KCNIP1: variants seen among roughly 807,000 people sequenced by gnomAD.
The protein encoded by KCNIP1 is A-type potassium channel modulatory protein KCNIP1.
A neutral mutation model predicts 33.0 loss-of-function variants in KCNIP1; 18 were observed. That is an observed-to-expected ratio of 0.55 (90% CI 0.38 to 0.81). KCNIP1 has a LOEUF of 0.81. KCNIP1 is among the 30% of genes least tolerant of loss of function. The pLI, the probability that KCNIP1 is intolerant of heterozygous loss-of-function variation, is 0.00. For synonymous variants in KCNIP1, 93 were observed against 98.3 expected, an observed-to-expected ratio of 0.95 and a Z score of 0.32; for missense variants, 238 against 271.6, an observed-to-expected ratio of 0.88 and a Z score of 0.87.
At chr5:170,505,037 T>C (rs918681158) in intron 1 of KCNIP1, among the ~76,000 whole-genome samples, 1 of 152,184 alleles carries the variant, frequency 6.6e-6, no homozygotes, top group Non-Finnish European at 1.5e-5. Context: ...ACACTCCTCC[T>C]AGGCGGCTAT....
intron 1 of KCNIP1, among the ~76,000 whole-genome samples, chr5:170,441,326 A>T (rs918119668): frequency 6.6e-6 from 1 of 152,118 alleles, no homozygotes; most frequent in African/African-American, 2.4e-5. Context: ...TGTGATTCAG[A>T]TAACAGGGCT....
At chr5:170,580,595 A>T (rs1319628876) in intron 1 of KCNIP1, among the ~76,000 whole-genome samples, 6 of 152,172 alleles carry the variant, frequency 3.9e-5, no homozygotes, top group Non-Finnish European at 8.8e-5. Context: ...TTGGCTATCA[A>T]TGCAGACCAC....
intron 5 of KCNIP1, among the ~76,000 whole-genome samples, chr5:170,723,353 G>T (rs1449638522): frequency 6.6e-6 from 1 of 151,982 alleles, no homozygotes; most frequent in Non-Finnish European, 1.5e-5. Flanking sequence ...TCACTGCTTT[G>T]CACTTTTAGA....
intron 1 of KCNIP1, among the ~76,000 whole-genome samples, chr5:170,644,857 G>C (rs1211142429): frequency 6.6e-6 from 1 of 152,204 alleles, no homozygotes; most frequent in East Asian, 1.9e-4. Flanking sequence ...GCCTCCAGTG[G>C]GGACAGAGAA....
chr5:170,370,622 G>A (rs552288351), intron 1 of KCNIP1, among the ~76,000 whole-genome samples: 204 of 152,324 alleles, frequency 1.3e-3, no homozygotes, highest in Non-Finnish European at 2.1e-3. Flanking sequence ...TGCTTGGGGC[G>A]AATGATCTGA....
At chr5:170,510,536 T>C (rs368523574) in intron 1 of KCNIP1, among the ~76,000 whole-genome samples, 4 of 152,224 alleles carry the variant, frequency 2.6e-5, no homozygotes, top group African/African-American at 9.6e-5. Context: ...GAAGGAACAG[T>C]TTTTAGAAAA....
At chr5:170,556,814 A>G (rs746206969) in intron 1 of KCNIP1, among the ~76,000 whole-genome samples, 3 of 152,246 alleles carry the variant, frequency 2.0e-5, no homozygotes, top group Non-Finnish European at 4.4e-5. Context: ...TCAATGCACC[A>G]GAGTATTTCT....
intron 1 of KCNIP1, among the ~76,000 whole-genome samples, chr5:170,617,904 G>C (rs1163877480): frequency 1.3e-5 from 2 of 152,232 alleles, no homozygotes; most frequent in Non-Finnish European, 2.9e-5. Context: ...AGGTAGGTGA[G>C]AGAGTAAATA....
intron 1 of KCNIP1, among the ~76,000 whole-genome samples, chr5:170,466,303 G>C (rs1328939159): frequency 6.6e-6 from 1 of 152,192 alleles, no homozygotes; most frequent in Non-Finnish European, 1.5e-5. Flanking sequence ...GAGAGAGCAG[G>C]AGTTCAAGCT....
intron 1 of KCNIP1, among the ~76,000 whole-genome samples, chr5:170,708,238 T>C (rs1255132786): frequency 6.6e-6 from 1 of 152,216 alleles, no homozygotes; most frequent in Non-Finnish European, 1.5e-5. Flanking sequence ...ATCAAAAAGA[T>C]GATGTTAAAC....
chr5:170,568,648 TAAAAAAAAAA>T (rs33992187), intron 1 of KCNIP1, among the ~76,000 whole-genome samples: 4 of 43,714 alleles, frequency 9.2e-5, no homozygotes, highest in African/African-American at 1.3e-4. Context: ...CCGTTTCTAC[TAAAAAAAAAA>T]AAAAAAAAAA....
chr5:170,565,451 A>G (rs1157187161), intron 1 of KCNIP1, among the ~76,000 whole-genome samples: 1 of 152,228 alleles, frequency 6.6e-6, no homozygotes. Flanking sequence ...AAAGGAACTT[A>G]CACTGAGTAG....
rs376942235 is a variant in KCNIP1, at chr5:170,621,352, G to A, written c.62-97406G>A. 1.0e-4 allele frequency among the ~76,000 whole-genome samples: 11 copies of A among 109,672 alleles called. No homozygotes were observed. In the South Asian group the frequency reaches 2.0e-3, roughly 20 times the overall value. The allele number at this position is 109,672 out of a possible 152,430, so 71.9% of individuals were successfully genotyped here. On this transcript the variant is annotated intron_variant, in intron 1 of 7. Coordinates refer to ENST00000328939, the MANE Select transcript of KCNIP1 (RefSeq NM_014592.4). ...CTAGTGTAGATCTAAGATTATAGGG[G>A]CTGCAACGTTCCTCAGTGGAGCAGA...
At chr5:170,687,689 G>C (rs1762586707) in intron 1 of KCNIP1, among the ~76,000 whole-genome samples, 1 of 152,188 alleles carries the variant, frequency 6.6e-6, no homozygotes, top group Admixed American at 6.5e-5. Context: ...ACTCTACGAT[G>C]CACCAGCCCT....
chr5:170,557,313 A>G (rs1335078151), intron 1 of KCNIP1, among the ~76,000 whole-genome samples: 1 of 152,210 alleles, frequency 6.6e-6, no homozygotes, highest in Non-Finnish European at 1.5e-5. Context: ...TTTCTGGAAT[A>G]AATATGGATA....
intron 1 of KCNIP1, among the ~76,000 whole-genome samples, chr5:170,397,241 G>A (rs746146567): frequency 5.9e-5 from 9 of 152,092 alleles, no homozygotes; most frequent in Non-Finnish European, 7.4e-5. Flanking sequence ...TCAATCAAGC[G>A]GCTTAGCATT....
At chr5:170,691,731 A>G (rs1421783550) in intron 1 of KCNIP1, among the ~76,000 whole-genome samples, 1 of 152,110 alleles carries the variant, frequency 6.6e-6, no homozygotes, top group Non-Finnish European at 1.5e-5. Flanking sequence ...CAGCATTGCC[A>G]TGGTCCAAGA....
At chr5:170,358,996 G>C (rs1763427750) in intron 1 of KCNIP1, among the ~76,000 whole-genome samples, 1 of 152,146 alleles carries the variant, frequency 6.6e-6, no homozygotes, top group Non-Finnish European at 1.5e-5. Flanking sequence ...GTTTTTCCCT[G>C]CTGGGTCTGA....
Position 170,634,745 on chromosome 5 carries a change from G to T in KCNIP1, c.62-84013G>T, listed in dbSNP as rs145688557. 2.0e-5 allele frequency among the ~76,000 whole-genome samples: 3 copies of T among 152,354 alleles called. No homozygotes were observed. The East Asian group carries it at 5.8e-4, about 29-fold the overall frequency. ...GAAGCAAGAGGAAGGCCAGGCAGAT[G>T]TGTCCTGAAAGCCAAAAAGAGAAAG... On this transcript the variant is annotated intron_variant, in intron 1 of 7. Transcript: ENST00000328939.
Sources: allele counts gnomAD v4.1 joint callset (sites outside exome capture counted in the v4.1 genomes callset), GRCh38; gene constraint gnomAD v4.1.1; transcripts MANE v1.5; gene names NCBI Gene and HGNC (gene_info 2026-07-23, HGNC 2026-07-21).